Variants in HDDC2 observed in about 807,000 individuals in gnomAD.
The protein encoded by HDDC2 is HD domain containing 2, also known as 5'-deoxynucleotidase HDDC2.
In HDDC2, 25 loss-of-function variants were observed where a neutral mutation model predicts 25.5. The ratio of observed to expected loss-of-function variants is 0.98; its 90% confidence interval spans 0.72 to 1.37. The LOEUF (loss-of-function observed/expected upper bound fraction) is 1.37. HDDC2 is among the 40% of genes most tolerant of loss of function. The probability of loss-of-function intolerance (pLI) is 0.00; values close to 1 mark genes in which losing one functional copy is unlikely to be tolerated. For missense variants in HDDC2, 264 were observed against 253.1 expected, an observed-to-expected ratio of 1.04 and a Z score of -0.29; for synonymous variants, 106 against 89.7, an observed-to-expected ratio of 1.18 and a Z score of -1.03.
chr6:125,290,730 A>C (rs531913523), intron 4 of HDDC2, among the ~76,000 whole-genome samples: 1 of 152,344 alleles, frequency 6.6e-6, no homozygotes, highest in South Asian at 2.1e-4. Context: ...AGAGGCAAGG[A>C]AGAATCCTCC....
intron 4 of HDDC2, among the ~76,000 whole-genome samples, chr6:125,291,223 TGTAGTAACAGG>T (rs1258586424): frequency 3.3e-5 from 5 of 152,196 alleles, no homozygotes; most frequent in African/African-American, 1.2e-4. Flanking sequence ...TTTTCTAAAG[TGTAGTAACAGG>T]GTAGTAACAG....
chr6:125,278,351 TTCACAAAAGGAAATGGAATAC>T (rs1178783592), intron 4 of HDDC2: 16 of 152,324 alleles, frequency 1.1e-4, no homozygotes, highest in African/African-American at 3.8e-4. Context: ...AGTTCATGAT[TTCACAAAAGGAAATGGAATAC>T]TCCAAGCATA....
At chr6:125,288,344 G>C (rs1012375522) in intron 4 of HDDC2, among the ~76,000 whole-genome samples, 3 of 152,252 alleles carry the variant, frequency 2.0e-5, no homozygotes, top group South Asian at 2.1e-4. Flanking sequence ...CTGAGGCTCT[G>C]CAGAGCCTGG....
Position 125,276,200 on chromosome 6 carries a change from A to T in HDDC2, c.561T>A (p.Leu187=). The change falls in exon 6 of 6, where the codon CTT becomes CTA. Residue 187 remains leucine (L), a synonymous_variant. Transcript: ENST00000398153. ...HPEIVQLVSE[L]EAERSTNIAA... is the part of the protein sequence containing the mutation. ...CTATGTTAGTGCTTCTTTCTGCCTC[A>T]AGTTCAGAAACAAGCTGGACTATCT... 6.2e-7 allele frequency: 1 copy of T among 1,614,172 alleles called. No homozygotes were observed. Among genetic ancestry groups the T allele is most frequent in the Non-Finnish European group, 8.5e-7 (1 of 1,180,012 alleles).
At chr6:125,278,537 T>C (rs1022954745) in intron 4 of HDDC2, 7 of 152,208 alleles carry the variant, frequency 4.6e-5, no homozygotes, top group Admixed American at 1.3e-4. Flanking sequence ...ATTAATGATA[T>C]AGGCATTCTT....
At position 125,275,436 on chromosome 6, in the gene HDDC2, T is replaced by A. The variant is rs1313002584; in HGVS notation, c.*710A>T. ...TGAGGCTCAATGACCCCAGTTCCTATTTATATTTCTCACCTGATGATACAT... is the reference window on the plus strand; with the variant it reads ...TGAGGCTCAATGACCCCAGTTCCTAATTATATTTCTCACCTGATGATACAT... On this transcript the variant is annotated 3_prime_UTR_variant, in exon 6 of 6. Coordinates refer to ENST00000398153, the MANE Select transcript of HDDC2 (RefSeq NM_016063.3). The A allele has an allele frequency of 6.6e-6, 1 of 152,214 alleles. No homozygotes were observed. The highest frequency in any genetic ancestry group is 1.5e-5 in the Non-Finnish European group (1 of 68,028). The allele number at this position is 152,214 out of a possible 1,614,324, so 9.4% of individuals were successfully genotyped here.
intron 3 of HDDC2, among the ~76,000 whole-genome samples, chr6:125,294,363 A>G (rs925109461): frequency 2.0e-5 from 3 of 152,238 alleles, no homozygotes; most frequent in African/African-American, 7.2e-5. Context: ...ATCCACTCTT[A>G]TAAATAACAT....
In HDDC2 at chr6:125,300,540, GTCTTTGTTAAGACGGTCA is replaced by G. The variant is rs1209137061; in HGVS notation, c.186_203del (p.Asp63_Asp68del). The G allele has an allele frequency of 1.2e-6, 2 of 1,613,384 alleles. No homozygotes were observed. Among genetic ancestry groups the G allele is most frequent in the African/African-American group, 2.7e-5 (2 of 74,850 alleles). ...CATCAAAGTCCAGCTCAGCTTACCG[GTCTTTGTTAAGACGGTCA>G]TCTTTGATCACCATAGCCATAACTG... On this transcript the variant is annotated inframe_deletion, in exon 2 of 6. Transcript: ENST00000398153.
intron 4 of HDDC2, among the ~76,000 whole-genome samples, chr6:125,286,883 G>A (rs1030616994): frequency 1.1e-4 from 17 of 152,150 alleles, no homozygotes; most frequent in Non-Finnish European, 2.5e-4. Flanking sequence ...TAAAATATTA[G>A]AATATTACCA....
intron 4 of HDDC2, among the ~76,000 whole-genome samples, chr6:125,284,624 A>G (rs1798505230): frequency 6.6e-6 from 1 of 152,250 alleles, no homozygotes; most frequent in South Asian, 2.1e-4. Context: ...ATACCATCTC[A>G]CGCCAGTTAG....
intron 3 of HDDC2, among the ~76,000 whole-genome samples, chr6:125,293,729 C>T (rs573484190): frequency 2.0e-5 from 3 of 152,302 alleles, no homozygotes; most frequent in South Asian, 2.1e-4. Flanking sequence ...ACAAACACAA[C>T]GTCAAACAGG....
At chr6:125,276,850 A>G (rs1798377773) in intron 5 of HDDC2, 1 of 498,648 alleles carries the variant, frequency 2.0e-6, no homozygotes, top group South Asian at 2.5e-5. Flanking sequence ...GTTCAACCCA[A>G]CATCTCTTCT....
At chr6:125,292,089 T>C (rs1798639934) in intron 4 of HDDC2, among the ~76,000 whole-genome samples, 1 of 152,120 alleles carries the variant, frequency 6.6e-6, no homozygotes, top group East Asian at 1.9e-4. Flanking sequence ...ATATGGACTT[T>C]GAAGAAGATG....
At chr6:125,296,728 T>C (rs2115116716) in intron 3 of HDDC2, among the ~76,000 whole-genome samples, 1 of 152,314 alleles carries the variant, frequency 6.6e-6, no homozygotes, top group South Asian at 2.1e-4. Flanking sequence ...GGAGGTTTAA[T>C]GAGGCTGGAA....
chr6:125,289,500 A>AAAAAC (rs1462831466), intron 4 of HDDC2, among the ~76,000 whole-genome samples: 18 of 133,408 alleles, frequency 1.3e-4, no homozygotes, highest in Non-Finnish European at 2.6e-4. Context: ...AAAAATTAAA[A>AAAAAC]AAAACAAAAC....
Position 125,300,676 on chromosome 6 carries a change from AG to A in HDDC2, c.85-18del. 2 of 1,609,114 alleles carry A rather than the reference AG, an allele frequency of 1.2e-6. No homozygotes were observed. The highest frequency in any genetic ancestry group is 1.7e-6 in the Non-Finnish European group (2 of 1,178,484). On this transcript the variant is annotated intron_variant, in intron 1 of 5. Transcript: ENST00000398153. ...TGGGACTCTCTGATAAATATGAAGA[AG>A]AAAAAGAAGTTTTAAAGAACAAATA...
At chr6:125,280,175 G>A (rs945842739) in intron 4 of HDDC2, among the ~76,000 whole-genome samples, 11 of 152,176 alleles carry the variant, frequency 7.2e-5, no homozygotes, top group African/African-American at 2.7e-4. Flanking sequence ...GAACTCATGA[G>A]GGACTGTGCT....
chr6:125,301,255 G>A (rs955158713), intron 1 of HDDC2, among the ~76,000 whole-genome samples: 1 of 152,150 alleles, frequency 6.6e-6, no homozygotes, highest in Non-Finnish European at 1.5e-5. Flanking sequence ...TTGAACTTGG[G>A]AGAGAGACGG....
chr6:125,288,482 C>T (rs1341757037), intron 4 of HDDC2, among the ~76,000 whole-genome samples: 1 of 152,126 alleles, frequency 6.6e-6, no homozygotes, highest in Non-Finnish European at 1.5e-5. Flanking sequence ...ACAAGGAGTC[C>T]AAGCAGGATG....
Sources: gnomAD v4.1 joint callset for allele counts (sites outside exome capture counted in the v4.1 genomes callset) on GRCh38, gnomAD v4.1.1 for gene constraint, MANE v1.5 for transcripts, NCBI Gene and HGNC (gene_info 2026-07-23, HGNC 2026-07-21) for gene names.